NUP188: variants seen among roughly 807,000 people sequenced by gnomAD.
NUP188 encodes the protein nucleoporin NUP188.
A neutral mutation model predicts 223.0 loss-of-function variants in NUP188; 97 were observed. That is an observed-to-expected ratio of 0.43 (90% CI 0.37 to 0.51). The LOEUF (loss-of-function observed/expected upper bound fraction) is 0.51, where lower values mean the gene tolerates loss of function less well. Ranked by LOEUF, NUP188 falls within the 20% of genes least tolerant of loss-of-function variation. NUP188 has a pLI of 0.00. For synonymous variants in NUP188, 869 were observed against 828.0 expected (o/e 1.05, Z -0.85); for missense variants, 1,947 against 2,175.6 (o/e 0.89, Z 2.09).
At chr9:128,964,849 G>A (rs925511998) in intron 8 of NUP188, among the ~76,000 whole-genome samples, 6 of 151,842 alleles carry the variant, frequency 4.0e-5, no homozygotes, top group African/African-American at 1.5e-4. Flanking sequence ...TGGGATTACA[G>A]GCATGTGCCA....
intron 38 of NUP188, among the ~76,000 whole-genome samples, chr9:129,004,334 T>C (rs1382727667): frequency 1.4e-4 from 21 of 149,678 alleles, no homozygotes; most frequent in Admixed American, 1.4e-3. Flanking sequence ...CACACACAAC[T>C]GGAGCTGGGA....
chr9:128,993,615 C>T lies in NUP188; in HGVS notation c.2938C>T (p.Leu980=). Residue 980 remains leucine (L), a synonymous_variant, in exon 27 of 44, where the codon CTG becomes TTG. Transcript: ENST00000372577. ...AGATCGATACTGGTGCCCACCCCTG[C>T]TGCATCGTGCCGCCATTGCCTTTTT... is the stretch of plus-strand genomic sequence containing the variant. ...QQDRYWCPPL[L]HRAAIAFLHA... The T allele has an allele frequency of 1.9e-6, 3 of 1,614,222 alleles. No homozygotes were observed. The highest frequency in any genetic ancestry group is 1.7e-6 in the Non-Finnish European group (2 of 1,180,028).
chr9:128,967,522 GGCTCAC>G (rs578070947), intron 8 of NUP188, among the ~76,000 whole-genome samples: 21 of 152,272 alleles, frequency 1.4e-4, no homozygotes, highest in Non-Finnish European at 2.9e-4. Context: ...TGGGCGCGGT[GGCTCAC>G]GCCTGTAATC....
chr9:128,947,936 T>A, intron 1 of NUP188, 185 bp downstream of exon 1: 1 of 429,050 alleles, frequency 2.3e-6, no homozygotes, highest in Non-Finnish European at 3.9e-6. Flanking sequence ...ATCTGAAGAG[T>A]CTTCTTCAGG....
At chr9:128,993,052 T>C in intron 25 of NUP188, 145 bp from the exon 26 acceptor site, 1 of 656,646 alleles carries the variant, frequency 1.5e-6, no homozygotes, top group Non-Finnish European at 2.7e-6. Context: ...TTGTTTGTGG[T>C]GATGTCCCTT....
chr9:128,978,899 T>G (rs1419862588), intron 12 of NUP188, among the ~76,000 whole-genome samples: 1 of 152,004 alleles, frequency 6.6e-6, no homozygotes, highest in East Asian at 1.9e-4. Flanking sequence ...TTAGTAGACA[T>G]GGGGTTTCAC....
intron 8 of NUP188, among the ~76,000 whole-genome samples, chr9:128,965,074 T>C (rs931544782): frequency 3.9e-5 from 6 of 152,224 alleles, no homozygotes; most frequent in African/African-American, 1.4e-4. Flanking sequence ...TTGGAGCTTG[T>C]CCTTAAATGT....
intron 8 of NUP188, among the ~76,000 whole-genome samples, chr9:128,960,059 CTTTTTTTT>C (rs956759518): frequency 9.6e-6 from 1 of 103,790 alleles, no homozygotes; most frequent in African/African-American, 4.0e-5. Context: ...TTATTTTATT[CTTTTTTTT>C]TTTTTTTTTT....
chr9:128,976,603 G>A (rs760816374), intron 12 of NUP188, among the ~76,000 whole-genome samples: 4 of 151,962 alleles, frequency 2.6e-5, no homozygotes, highest in East Asian at 1.9e-4. Flanking sequence ...CCCGGGGGGC[G>A]GAGGTTGCAG....
intron 37 of NUP188, 143 bp downstream of exon 37, chr9:129,003,118 C>G: frequency 8.9e-7 from 1 of 1,120,332 alleles, no homozygotes. Context: ...TCTAAGTACT[C>G]TGCTGGCTCA....
In NUP188 at chr9:128,994,868, G is replaced by A. The variant is rs1178021198; in HGVS notation, c.3100G>A (p.Glu1034Lys). 1.2e-6 allele frequency: 2 copies of A among 1,613,666 alleles called. No homozygotes were observed. The highest frequency in any genetic ancestry group is 1.7e-6 in the Non-Finnish European group (2 of 1,179,698). The change falls in exon 29 of 44, where the codon GAA (glutamate) becomes AAA (lysine). Residue 1034 changes from glutamate to lysine, a missense_variant. By Grantham distance (56) the Glu-to-Lys change is moderately conservative. Around this residue, in one of 3 missense-constraint regions of NUP188, gnomAD observed 905 missense variants for 990.6 expected, o/e 0.91. Coordinates refer to ENST00000372577, the MANE Select transcript of NUP188 (RefSeq NM_015354.3). ...GCTATCTCCACAGCCCAGCATCCTG[G>A]AAACCTGTGCCCTAATCATGAAGAT... ...PSETSEPSIL[E>K]TCALIMKIIC...
chr9:128,979,992 C>T (rs1042311617), intron 13 of NUP188, among the ~76,000 whole-genome samples: 26 of 152,166 alleles, frequency 1.7e-4, no homozygotes, highest in African/African-American at 6.0e-4. Context: ...AGTGTTCCTG[C>T]AGCTCTTGAA....
At chr9:128,948,022 C>T (rs1394519843) in intron 1 of NUP188, 3 of 355,722 alleles carry the variant, frequency 8.4e-6, no homozygotes, top group Admixed American at 9.4e-5. Context: ...TGCCTTCCTC[C>T]TCTCTCACCT....
intron 25 of NUP188, among the ~76,000 whole-genome samples, chr9:128,992,659 A>T (rs1842453136): frequency 6.6e-6 from 1 of 151,800 alleles, no homozygotes; most frequent in Non-Finnish European, 1.5e-5. Flanking sequence ...TGCATATCAC[A>T]TCCTAGAATG....
chr9:128,981,148 C>A, intron 14 of NUP188, 116 bp from the exon 15 acceptor site: 1 of 1,258,340 alleles, frequency 7.9e-7, no homozygotes, highest in Non-Finnish European at 1.1e-6. Context: ...GTTCCAAGAA[C>A]AGTCACAGTG....
At position 128,958,048 on chromosome 9, in the gene NUP188, C is replaced by T. The variant is rs1338975204; in HGVS notation, c.366C>T (p.Ile122=). The T allele has an allele frequency of 3.7e-6, 6 of 1,612,244 alleles. No individual in the cohort carries two copies. In the East Asian group the frequency reaches 1.3e-4, roughly 36 times the overall value. ...ATGAGAGGCAGAGCCAGGCCTTAAT[C>T]CTGAAGGTCAGTAGTAGTCACCATT... is the stretch of plus-strand genomic sequence containing the variant. ...LQDERQSQAL[I]LKIADYYYEE... The change falls in exon 6 of 44, where the codon ATC becomes ATT. Residue 122 remains isoleucine (I), a synonymous_variant. Transcript: ENST00000372577.
At chr9:128,996,581 G>A (rs1394472008) in intron 30 of NUP188, among the ~76,000 whole-genome samples, 3 of 152,154 alleles carry the variant, frequency 2.0e-5, no homozygotes, top group African/African-American at 7.2e-5. Context: ...GAGCCTAGGA[G>A]GGGCAGGTTT....
In NUP188 at chr9:128,998,579, C is replaced by T. The variant is rs779814091; in HGVS notation, c.3471C>T (p.Ser1157=). ...PASVNCLRLG[S]MKCTLLLILL... is the part of the protein sequence containing the mutation. ...CAGTGAACTGCCTTCGCCTTGGCTC[C>T]ATGAAGTGCACTCTGCTGCTTATCC... Residue 1157 remains serine (S), a synonymous_variant, in exon 32 of 44, where the codon TCC becomes TCT. Transcript: ENST00000372577. 1 of 1,614,208 alleles carries T rather than the reference C, an allele frequency of 6.2e-7. No homozygotes were observed. Among genetic ancestry groups the T allele is most frequent in the Non-Finnish European group, 8.5e-7 (1 of 1,180,038 alleles).
At chr9:128,961,444 G>T (rs1389915087) in intron 8 of NUP188, among the ~76,000 whole-genome samples, 1 of 151,024 alleles carries the variant, frequency 6.6e-6, no homozygotes, top group South Asian at 2.1e-4. Context: ...TCCAGGTGGT[G>T]GAGGTTGCAG....
Sources: gnomAD v4.1 joint callset for allele counts (sites outside exome capture counted in the v4.1 genomes callset) on GRCh38, gnomAD v4.1.1 for gene constraint, gnomAD v4.1.1 regional missense constraint, MANE v1.5 for transcripts, NCBI Gene and HGNC (gene_info 2026-07-23, HGNC 2026-07-21) for gene names.